The following PDE4D variants were observed in gnomAD, a reference collection of about 807,000 sequenced individuals.
PDE4D encodes phosphodiesterase 4D.
PDE4D carries 24 observed loss-of-function variants against 87.4 expected under a neutral mutation model. The ratio of observed to expected loss-of-function variants is 0.27; its 90% CI spans 0.20 to 0.39. The LOEUF (loss-of-function observed/expected upper bound fraction) is 0.39, where lower values mean the gene tolerates loss of function less well. Among genes scored for constraint, PDE4D ranks in the 10% least tolerant of loss-of-function variants. The probability of loss-of-function intolerance (pLI) is 1.00; values close to 1 mark genes in which losing one functional copy is unlikely to be tolerated. For synonymous variants in PDE4D, 384 were observed against 383.2 expected (o/e 1.00, Z -0.02); for missense variants, 714 against 1,041.0 (o/e 0.69, Z 4.32).
intron 1 of PDE4D, among the ~76,000 whole-genome samples, chr5:59,267,542 T>C (rs1374452072): frequency 6.6e-6 from 1 of 152,086 alleles, no homozygotes; most frequent in East Asian, 1.9e-4. Flanking sequence ...CCATCTATTT[T>C]ACAATTTAGA....
At position 60,511,258 on chromosome 5, in the gene PDE4D, C is replaced by T. The variant is rs114114678; in HGVS notation, n.70+10793G>A. ...GTGAGGGATTACAGGCATAAGCCAC[C>T]ATGCCCAGCCCTGCCATGGTGTTTT... On this transcript the variant is annotated intron_variant and non_coding_transcript_variant, in intron 1 of 2. Transcript: ENST00000506510. 1.4e-3 allele frequency among the ~76,000 whole-genome samples: 207 copies of T among 152,234 alleles called. 1 individual carries two copies. Among genetic ancestry groups the T allele is most frequent in the African/African-American group, 4.9e-3 (202 of 41,552 alleles).
intron 1 of PDE4D, among the ~76,000 whole-genome samples, chr5:59,752,232 G>C (rs1760586655): frequency 6.6e-6 from 1 of 152,110 alleles, no homozygotes; most frequent in African/African-American, 2.4e-5. Context: ...ATTTCAATAG[G>C]CTCAGATCAC....
At chr5:59,663,339 A>AT (rs1019909174) in intron 1 of PDE4D, among the ~76,000 whole-genome samples, 41 of 146,822 alleles carry the variant, frequency 2.8e-4, no homozygotes, top group East Asian at 8.0e-4. Context: ...TAATTTTTGT[A>AT]TTTTTTTTTT....
intron 1 of PDE4D, among the ~76,000 whole-genome samples, chr5:60,198,419 ATTCCAAAGAATTTGGAGTCAAATT>A (rs1741531397): frequency 6.6e-6 from 1 of 151,748 alleles, no homozygotes; most frequent in Non-Finnish European, 1.5e-5. Flanking sequence ...CATATTCCAT[ATTCCAAAGAATTTGGAGTCAAATT>A]CTGTTTTGGC....
chr5:60,113,461 A>G (rs923528143), intron 2 of PDE4D, among the ~76,000 whole-genome samples: 1 of 152,018 alleles, frequency 6.6e-6, no homozygotes, highest in South Asian at 2.1e-4. Context: ...GTTGCTCCCT[A>G]TTAAGGAATC....
intron 1 of PDE4D, among the ~76,000 whole-genome samples, chr5:59,295,501 C>G (rs1175503719): frequency 6.6e-6 from 1 of 152,122 alleles, no homozygotes; most frequent in Non-Finnish European, 1.5e-5. Context: ...ATCCAGGTAG[C>G]TCTTCAGGTG....
chr5:60,004,493 G>T (rs1582136483), intron 2 of PDE4D, among the ~76,000 whole-genome samples: 2 of 151,722 alleles, frequency 1.3e-5, no homozygotes, highest in East Asian at 3.9e-4. Flanking sequence ...TATTTTTATT[G>T]TTTTATTATG....
At chr5:59,836,718 G>A (rs1267970994) in intron 1 of PDE4D, among the ~76,000 whole-genome samples, 6 of 151,614 alleles carry the variant, frequency 4.0e-5, no homozygotes, top group African/African-American at 1.2e-4. Flanking sequence ...TCTATCATCT[G>A]TCTAATAGAT....
chr5:60,451,023 A>G (rs1441885143), intron 1 of PDE4D, among the ~76,000 whole-genome samples: 2 of 152,068 alleles, frequency 1.3e-5, no homozygotes, highest in Non-Finnish European at 2.9e-5. Context: ...TATAATCTTC[A>G]AAGCATTAAA....
chr5:59,473,440 G>A (rs1802789405), intron 1 of PDE4D, among the ~76,000 whole-genome samples: 1 of 151,974 alleles, frequency 6.6e-6, no homozygotes, highest in Non-Finnish European at 1.5e-5. Flanking sequence ...TCATTTAGAA[G>A]ACTGTAGACA....
chr5:59,361,067 T>A (rs1782139609), intron 1 of PDE4D, among the ~76,000 whole-genome samples: 1 of 132,876 alleles, frequency 7.5e-6, no homozygotes, highest in African/African-American at 3.9e-5. Context: ...AATTTTAGGA[T>A]TTTTTTTAGC....
intron 3 of PDE4D, among the ~76,000 whole-genome samples, chr5:59,191,506 T>C (rs185334134): frequency 1.4e-3 from 211 of 152,248 alleles, no homozygotes; most frequent in South Asian, 2.5e-3. Context: ...ACTTACATTG[T>C]TATGCCATAT....
intron 5 of PDE4D, among the ~76,000 whole-genome samples, chr5:59,167,186 G>A (rs1366697723): frequency 6.6e-6 from 1 of 152,120 alleles, no homozygotes; most frequent in Admixed American, 6.5e-5. Context: ...AAGGTCACAC[G>A]TAAAGTGGGT....
intron 1 of PDE4D, among the ~76,000 whole-genome samples, chr5:60,342,015 A>G (rs936654862): frequency 6.6e-6 from 1 of 152,238 alleles, no homozygotes; most frequent in African/African-American, 2.4e-5. Context: ...GTTTCAAACT[A>G]TAAAATGTTT....
chr5:59,134,348 T>C (rs1425827758), intron 5 of PDE4D, among the ~76,000 whole-genome samples: 1 of 151,842 alleles, frequency 6.6e-6, no homozygotes, highest in Non-Finnish European at 1.5e-5. Flanking sequence ...GAATAACTGA[T>C]AAAATCAACG....
At chr5:59,670,833 T>G (rs1747077514) in intron 1 of PDE4D, among the ~76,000 whole-genome samples, 1 of 152,088 alleles carries the variant, frequency 6.6e-6, no homozygotes, top group African/African-American at 2.4e-5. Flanking sequence ...TCATGAGAGT[T>G]TTTACTTTTT....
At chr5:59,478,314 T>C (rs1158450877) in intron 1 of PDE4D, among the ~76,000 whole-genome samples, 3 of 152,122 alleles carry the variant, frequency 2.0e-5, no homozygotes, top group South Asian at 2.1e-4. Flanking sequence ...TATTATCTAA[T>C]TGGAAATGGT....
intron 1 of PDE4D, among the ~76,000 whole-genome samples, chr5:59,343,909 T>C (rs1779194424): frequency 2.0e-5 from 3 of 152,090 alleles, no homozygotes; most frequent in Admixed American, 2.0e-4. Context: ...TGCCCTTCCA[T>C]GCAAAAACTG....
At chr5:60,283,655 T>C (rs1485540846) in intron 1 of PDE4D, among the ~76,000 whole-genome samples, 1 of 152,026 alleles carries the variant, frequency 6.6e-6, no homozygotes, top group Non-Finnish European at 1.5e-5. Context: ...TAATGAGGCT[T>C]AATGTAGCTT....
Sources: allele counts gnomAD v4.1 joint callset (sites outside exome capture counted in the v4.1 genomes callset), GRCh38; gene constraint gnomAD v4.1.1; transcripts MANE v1.5; gene names NCBI Gene and HGNC (gene_info 2026-07-23, HGNC 2026-07-21).